Variants in ABHD17C observed in about 807,000 individuals in gnomAD.
ABHD17C encodes alpha/beta hydrolase domain-containing protein 17C.
Under a neutral mutation model 27.9 loss-of-function variants are expected in ABHD17C, and 11 were observed. That is an observed-to-expected ratio of 0.39 (90% confidence interval 0.25 to 0.65). The LOEUF is 0.65. Among genes scored for constraint, ABHD17C ranks in the 30% least tolerant of loss-of-function variants. The pLI is 0.45. For synonymous variants in ABHD17C, 233 were observed against 209.1 expected, an observed-to-expected ratio of 1.11 and a Z score of -0.98; for missense variants, 280 against 470.2, an observed-to-expected ratio of 0.60 and a Z score of 3.74.
chr15:80,721,112 T>A, intron 1 of ABHD17C, among the ~76,000 whole-genome samples: 1 of 151,956 alleles, frequency 6.6e-6, no homozygotes, highest in Non-Finnish European at 1.5e-5. Context: ...TCTCCCATAT[T>A]CTCCATCTTT....
At chr15:80,701,183 C>T (rs1452583175) in intron 1 of ABHD17C, among the ~76,000 whole-genome samples, 1 of 152,120 alleles carries the variant, frequency 6.6e-6, no homozygotes, top group Non-Finnish European at 1.5e-5. Context: ...CCTTGAAAAA[C>T]ACCTTCTGTT....
In ABHD17C at chr15:80,749,576, A is replaced by G; in HGVS notation, c.654A>G (p.Val218=). ...YGQSIGTVPT[V]DLASRYECAA... is the part of the protein sequence containing the mutation. ...AGAGCATTGGGACTGTCCCCACGGTAGACTTGGCCTCGAGGTATGAATGCG... is the reference window on the plus strand; with the variant it reads ...AGAGCATTGGGACTGTCCCCACGGTGGACTTGGCCTCGAGGTATGAATGCG... Residue 218 remains valine, a synonymous_variant, in exon 2 of 3, where the codon GTA becomes GTG. Transcript: ENST00000258884. The G allele has an allele frequency of 6.2e-7, 1 of 1,613,898 alleles. No individual in the cohort carries two copies. The highest frequency in any genetic ancestry group is 1.3e-5 in the African/African-American group (1 of 75,032).
chr15:80,723,561 C>T (rs1448309314), intron 1 of ABHD17C, among the ~76,000 whole-genome samples: 1 of 152,218 alleles, frequency 6.6e-6, no homozygotes, highest in East Asian at 1.9e-4. Context: ...CCCATCTTAT[C>T]AGTGTTCCAC....
At chr15:80,726,728 G>A (rs1464362572) in intron 1 of ABHD17C, among the ~76,000 whole-genome samples, 1 of 151,900 alleles carries the variant, frequency 6.6e-6, no homozygotes, top group Non-Finnish European at 1.5e-5. Context: ...TAGTCAGGAT[G>A]GTTAGTCAGG....
intron 1 of ABHD17C, among the ~76,000 whole-genome samples, chr15:80,712,576 G>A (rs1894742193): frequency 6.6e-6 from 1 of 152,244 alleles, no homozygotes; most frequent in Non-Finnish European, 1.5e-5. Context: ...TGTAACAGAA[G>A]TGCTCAGAGG....
At chr15:80,709,505 A>C (rs995711342) in intron 1 of ABHD17C, among the ~76,000 whole-genome samples, 2 of 152,022 alleles carry the variant, frequency 1.3e-5, no homozygotes, top group African/African-American at 4.8e-5. Flanking sequence ...AAAAAAACAA[A>C]AAAACACACA....
chr15:80,748,194 G>C (rs1895316287), intron 1 of ABHD17C, among the ~76,000 whole-genome samples: 1 of 152,216 alleles, frequency 6.6e-6, no homozygotes, highest in Admixed American at 6.5e-5. Flanking sequence ...AGGGGAGGAA[G>C]TTGGGCTGAA....
At chr15:80,710,231 C>G (rs1220238119) in intron 1 of ABHD17C, among the ~76,000 whole-genome samples, 1 of 152,042 alleles carries the variant, frequency 6.6e-6, no homozygotes, top group Admixed American at 6.6e-5. Flanking sequence ...ATCAAGGAAG[C>G]CAGCGGGGGG....
At position 80,695,840 on chromosome 15, in the gene ABHD17C, C is replaced by T. The variant is rs780031599; in HGVS notation, c.411C>T (p.Phe137=). 1.3e-6 allele frequency: 2 copies of T among 1,590,744 alleles called. No individual in the cohort carries two copies. Among genetic ancestry groups the T allele is most frequent in the South Asian group, 2.2e-5 (2 of 89,814 alleles). ...CAPSSRYTLL[F]SHGNAVDLGQ... is the part of the protein sequence containing the mutation. ...CCTCCAGCCGCTACACGCTGCTCTT[C>T]TCGCACGGCAACGCCGTGGACCTGG... The change falls in exon 1 of 3, where the codon TTC becomes TTT. Residue 137 remains phenylalanine (F), a synonymous_variant. Coordinates refer to ENST00000258884, the MANE Select transcript of ABHD17C (RefSeq NM_021214.2). This position sits in a 1 kb window ranked among gnomAD's most constrained non-coding sequence, Gnocchi z 4.3.
At chr15:80,735,174 AT>A (rs1895112453) in intron 1 of ABHD17C, among the ~76,000 whole-genome samples, 1 of 152,074 alleles carries the variant, frequency 6.6e-6, no homozygotes, top group Non-Finnish European at 1.5e-5. Flanking sequence ...TTTCAGGAAG[AT>A]TTTTCTTTGT....
intron 1 of ABHD17C, among the ~76,000 whole-genome samples, chr15:80,716,621 C>A (rs909336536): frequency 3.3e-5 from 5 of 152,042 alleles, no homozygotes; most frequent in Non-Finnish European, 7.4e-5. Context: ...GGTTGTCATT[C>A]CACTTTACAT....
In ABHD17C at chr15:80,695,450, G is replaced by A. The variant is rs1278207812; in HGVS notation, c.21G>A (p.Arg7=). The change falls in exon 1 of 3, where the codon AGG becomes AGA. Residue 7 remains arginine, a synonymous_variant. Coordinates refer to ENST00000258884, the MANE Select transcript of ABHD17C (RefSeq NM_021214.2). The surrounding 1 kb of genome is among the most constrained non-coding windows in gnomAD (Gnocchi z 4.3). ...TCCCGATGCCCGAGCCAGGCCCCAG[G>A]ATGAACGGCTTCTCGCTGGGTGAGC... MPEPGP[R]MNGFSLGELC... is the part of the protein sequence containing the mutation. The A allele has an allele frequency of 1.5e-6, 2 of 1,367,658 alleles. No homozygotes were observed. The highest frequency in any genetic ancestry group is 1.9e-6 in the Non-Finnish European group (2 of 1,047,370). The allele number at this position is 1,367,658 out of a possible 1,614,324, so 84.7% of individuals were successfully genotyped here. A position where few individuals can be genotyped will look rare whatever the true frequency, so the allele number is the denominator to read the frequency against.
chr15:80,746,959 G>A (rs59415061), intron 1 of ABHD17C, among the ~76,000 whole-genome samples: 2,833 of 152,264 alleles, frequency 0.019, 87 homozygotes, highest in Admixed American at 0.09. Context: ...CAAAGAAGGT[G>A]AGGGCTAGTC....
At chr15:80,699,414 A>G (rs1358434261) in intron 1 of ABHD17C, among the ~76,000 whole-genome samples, 6 of 152,154 alleles carry the variant, frequency 3.9e-5, no homozygotes, top group African/African-American at 1.4e-4. Flanking sequence ...GGGTACAACC[A>G]TAGACAAAAA....
intron 1 of ABHD17C, among the ~76,000 whole-genome samples, chr15:80,747,905 C>G (rs1383220984): frequency 2.0e-5 from 3 of 152,190 alleles, no homozygotes; most frequent in African/African-American, 4.8e-5. Flanking sequence ...TCACCTCACC[C>G]TTGGACACTC....
chr15:80,707,485 G>A (rs947825613), intron 1 of ABHD17C, among the ~76,000 whole-genome samples: 2 of 151,938 alleles, frequency 1.3e-5, no homozygotes, highest in African/African-American at 4.8e-5. Flanking sequence ...CAATCTTTTG[G>A]CTTCCCTGGG....
At position 80,743,346 on chromosome 15, in the gene ABHD17C, G is replaced by A. The variant is rs540344553; in HGVS notation, c.591-6167G>A. Among the ~76,000 whole-genome samples the A allele has an allele frequency of 8.5e-5, 13 of 152,188 alleles. No homozygotes were observed. In the East Asian group the frequency reaches 1.5e-3, roughly 18 times the overall value. On this transcript the variant is annotated intron_variant, in intron 1 of 2. Coordinates refer to ENST00000258884, the MANE Select transcript of ABHD17C (RefSeq NM_021214.2). ...TCTAGATCCGCACTCACCCACTACCGGCTGTGTATGTGTACTTAGGGAGCA... is the reference window on the plus strand; with the variant it reads ...TCTAGATCCGCACTCACCCACTACCAGCTGTGTATGTGTACTTAGGGAGCA...
In ABHD17C at chr15:80,695,574, C is replaced by A; in HGVS notation, c.145C>A (p.Gln49Lys). 1 of 1,154,244 alleles carries A rather than the reference C, an allele frequency of 8.7e-7. No individual in the cohort carries two copies. Among genetic ancestry groups the A allele is most frequent in the Admixed American group, 4.6e-5 (1 of 21,578 alleles). 71.5% of individuals were successfully genotyped at this position (1,154,244 alleles called of 1,614,324 possible). Residue 49 changes from glutamine (Q) to lysine (K), a missense_variant, in exon 1 of 3, where the codon CAG (glutamine) becomes AAG (lysine). By Grantham distance (53) the Gln-to-Lys change is moderately conservative. Around this residue, in one of 2 missense-constraint regions of ABHD17C, gnomAD observed 74 missense variants for 75.5 expected, o/e 0.98. Transcript: ENST00000258884. This position sits in a 1 kb window ranked among gnomAD's most constrained non-coding sequence, Gnocchi z 4.3. ...CACCTACACGGTGCTGGCGCCGGAG[C>A]AGCGCGGCGCCGGCGCGTCCGCCCC... ...EPTYTVLAPE[Q>K]RGAGASAPAP...
chr15:80,714,053 G>A (rs531670551), intron 1 of ABHD17C, among the ~76,000 whole-genome samples: 8 of 151,964 alleles, frequency 5.3e-5, no homozygotes, highest in South Asian at 4.2e-4. Flanking sequence ...TCCTGGGCTC[G>A]GGTAGTCCTC....
Sources: allele counts gnomAD v4.1 joint callset (sites outside exome capture counted in the v4.1 genomes callset), GRCh38; gene constraint gnomAD v4.1.1; regional missense constraint gnomAD v4.1.1; non-coding constraint Gnocchi (gnomAD v3.1); transcripts MANE v1.5; gene names NCBI Gene and HGNC (gene_info 2026-07-23, HGNC 2026-07-21).